Variants in CELF2 observed in about 807,000 individuals in gnomAD.
CELF2 encodes the protein CUG triplet repeat RNA-binding protein 2.
In CELF2, 8 loss-of-function variants were observed where a neutral mutation model predicts 62.6. The observed-to-expected ratio is 0.13, with a 90% CI of 0.07 to 0.23. The LOEUF is 0.23. CELF2 is among the 10% of genes least tolerant of loss of function. The pLI is 1.00. For missense variants in CELF2, 333 were observed against 671.0 expected (o/e 0.50, Z 5.56); for synonymous variants, 258 against 250.0 (o/e 1.03, Z -0.30).
intron 5 of CELF2, among the ~76,000 whole-genome samples, chr10:11,263,844 A>G (rs181418718): frequency 9.5e-4 from 145 of 152,368 alleles, no homozygotes; most frequent in African/African-American, 3.4e-3. Context: ...TGTTTTAGAG[A>G]AATTACAGTG....
intron 1 of CELF2, among the ~76,000 whole-genome samples, chr10:10,818,137 A>G (rs2056642898): frequency 6.6e-6 from 1 of 152,232 alleles, no homozygotes; most frequent in Non-Finnish European, 1.5e-5. Context: ...GGCAGCATCT[A>G]TTCAGAAACT....
the CELF2 span, among the ~76,000 whole-genome samples, chr10:10,499,086 T>TTGA: frequency 6.7e-6 from 1 of 148,316 alleles, no homozygotes; most frequent in African/African-American, 2.6e-5. Flanking sequence ...TTTTTTTTTT[T>TTGA]GAGAGAGTCT....
chr10:10,942,714 G>A (rs1454154244), intron 2 of CELF2, among the ~76,000 whole-genome samples: 6 of 152,144 alleles, frequency 3.9e-5, no homozygotes, highest in African/African-American at 1.2e-4. Context: ...GGATCACTGG[G>A]GGCCATTTTA....
chr10:10,690,508 C>T, the CELF2 span, among the ~76,000 whole-genome samples: 5 of 152,088 alleles, frequency 3.3e-5, no homozygotes, highest in Admixed American at 1.3e-4. Context: ...AATGCCTACC[C>T]GCTCCCATCA....
In CELF2 at chr10:11,121,045, G is replaced by A. The variant is rs189988651; in HGVS notation, c.75-44441G>A. 3.9e-5 allele frequency among the ~76,000 whole-genome samples: 6 copies of A among 152,212 alleles called. No homozygotes were observed. In the East Asian group the frequency reaches 1.2e-3, roughly 29 times the overall value. ...CAGTTTCCATTATTTAGACCCCAAG[G>A]CATGTTCCTGTCGTGGACAGAAATC... On this transcript the variant is annotated intron_variant, in intron 1 of 12. Coordinates refer to ENST00000633077, the MANE Select transcript of CELF2 (RefSeq NM_001326342.2).
intron 1 of CELF2, among the ~76,000 whole-genome samples, chr10:10,806,286 C>A (rs2055227905): frequency 6.6e-6 from 1 of 150,498 alleles, no homozygotes; most frequent in Admixed American, 6.7e-5. Context: ...TTCACTGCAA[C>A]CTCTTACTCC....
At position 10,978,141 on chromosome 10, in the gene CELF2, C is replaced by G. The variant is rs555684903; in HGVS notation, c.89+58142C>G. The stretch of plus-strand genomic sequence containing the variant: ...GTGTCTATGAAATTACTGTACTTGA[C>G]TCATCCTGAAATTACGTGATTCAAA... On this transcript the variant is annotated intron_variant, in intron 2 of 13. Transcript: ENST00000636488. Among the ~76,000 whole-genome samples the G allele has an allele frequency of 1.1e-4, 17 of 150,200 alleles. No homozygotes were observed. In the South Asian group the frequency reaches 3.7e-3, roughly 32 times the overall value.
intron 9 of CELF2, among the ~76,000 whole-genome samples, chr10:11,289,436 G>T: frequency 6.6e-6 from 1 of 152,152 alleles, no homozygotes; most frequent in Non-Finnish European, 1.5e-5. Context: ...CCCACTCCAC[G>T]CTGGCTGTTT....
Position 11,270,586 on chromosome 10 carries a change from G to A in CELF2, c.619-80G>A, listed in dbSNP as rs1317495846. On this transcript the variant is annotated intron_variant, in intron 6 of 12. Transcript: ENST00000633077. The surrounding 1 kb of genome is among the most constrained non-coding windows in gnomAD (Gnocchi z 5.8). ...ATGTGCTCCAGGCTAGTGCAGAAAG[G>A]TAGCTCCGGTGCTGAGTGTCGTGAG... 6 of 1,255,532 alleles carry A rather than the reference G, an allele frequency of 4.8e-6. No individual in the cohort carries two copies. Among genetic ancestry groups the A allele is most frequent in the Non-Finnish European group, 6.3e-6 (6 of 955,370 alleles). 77.8% of individuals were successfully genotyped at this position (1,255,532 alleles called of 1,614,324 possible).
In CELF2 at chr10:11,286,487, G is replaced by T. The variant is rs147080283; in HGVS notation, c.842-1931G>T. The stretch of plus-strand genomic sequence containing the variant: ...TGTACCTCATTCCTTGCAAGACCTC[G>T]CACAGCCTTGGTGCTCCCTCACACT... On this transcript the variant is annotated intron_variant, in intron 8 of 12. Transcript: ENST00000633077. Among the ~76,000 whole-genome samples the T allele has an allele frequency of 3.5e-3, 532 of 152,328 alleles. 2 individuals carry two copies. Among genetic ancestry groups the T allele is most frequent in the Middle Eastern group, 6.8e-3 (2 of 294 alleles).
chr10:10,545,923 C>G, the CELF2 span, among the ~76,000 whole-genome samples: 1 of 152,078 alleles, frequency 6.6e-6, no homozygotes, highest in Non-Finnish European at 1.5e-5. Context: ...CTTAAAAGCA[C>G]CAAGACACGT....
intron 2 of CELF2, among the ~76,000 whole-genome samples, chr10:11,184,972 C>A (rs146489197): frequency 1.3e-5 from 2 of 152,158 alleles, no homozygotes; most frequent in Non-Finnish European, 2.9e-5. Flanking sequence ...TAGAGGAAGA[C>A]TTTTTCTTTA....
At chr10:10,623,597 G>A in the CELF2 span, among the ~76,000 whole-genome samples, 3 of 152,132 alleles carry the variant, frequency 2.0e-5, no homozygotes, top group Admixed American at 6.5e-5. Flanking sequence ...GTAGCTTCCA[G>A]TACTTAGGGG....
At chr10:10,880,135 A>G (rs1483662795) in intron 1 of CELF2, among the ~76,000 whole-genome samples, 2 of 152,214 alleles carry the variant, frequency 1.3e-5, no homozygotes, top group African/African-American at 2.4e-5. Flanking sequence ...ATACAAGAAC[A>G]TCGCCATGAT....
chr10:10,499,887 A>C, the CELF2 span, among the ~76,000 whole-genome samples: 1 of 152,166 alleles, frequency 6.6e-6, no homozygotes, highest in East Asian at 1.9e-4. Context: ...TTGTGGGGGA[A>C]AAACAGCTCC....
rs1016458704 is a variant in CELF2, at chr10:11,328,660, T to C, written c.1439-266T>C. Among the ~76,000 whole-genome samples, 3 of 152,220 alleles carry C rather than the reference T, an allele frequency of 2.0e-5. No individual in the cohort carries two copies. The highest frequency in any genetic ancestry group is 7.2e-5 in the African/African-American group (3 of 41,466). On this transcript the variant is annotated intron_variant, in intron 12 of 12. Coordinates refer to ENST00000633077, the MANE Select transcript of CELF2 (RefSeq NM_001326342.2). This position sits in a 1 kb window ranked among gnomAD's most constrained non-coding sequence, Gnocchi z 6.4. ...GTGGAACTGAATTCAGCCAAACAAT[T>C]GAGTCTGAGGTTTCAGTGTTGTGGG...
At chr10:10,612,262 T>C in the CELF2 span, among the ~76,000 whole-genome samples, 1 of 152,208 alleles carries the variant, frequency 6.6e-6, no homozygotes, top group Non-Finnish European at 1.5e-5. Flanking sequence ...ATTCCATCTT[T>C]TGGTTTTGGT....
chr10:10,924,230 C>G (rs1277022455), intron 2 of CELF2, among the ~76,000 whole-genome samples: 1 of 126,650 alleles, frequency 7.9e-6, no homozygotes. Flanking sequence ...TGCAGTGAGC[C>G]GAGATCGCGC....
intron 1 of CELF2, among the ~76,000 whole-genome samples, chr10:10,903,561 TA>T (rs2063103769): frequency 6.6e-6 from 1 of 152,216 alleles, no homozygotes; most frequent in Admixed American, 6.5e-5. Context: ...ATAGGGAGTC[TA>T]AAGATGAGTC....
Sources: gnomAD v4.1 joint callset for allele counts (sites outside exome capture counted in the v4.1 genomes callset) on GRCh38, gnomAD v4.1.1 for gene constraint, Gnocchi (gnomAD v3.1) non-coding constraint, MANE v1.5 for transcripts, NCBI Gene and HGNC (gene_info 2026-07-23, HGNC 2026-07-21) for gene names.